The following NPR3 variants were observed in gnomAD, a reference collection of about 807,000 sequenced individuals.
NPR3 encodes atrial natriuretic peptide receptor 3.
Under a neutral mutation model 54.5 loss-of-function variants are expected in NPR3, and 34 were observed. The observed-to-expected ratio is 0.62, with a 90% CI of 0.47 to 0.83. The LOEUF (loss-of-function observed/expected upper bound fraction) is 0.83. NPR3 is among the 40% of genes least tolerant of loss of function. The pLI is 0.00. For synonymous variants in NPR3, 289 were observed against 297.1 expected, an observed-to-expected ratio of 0.97 and a Z score of 0.28; for missense variants, 674 against 720.8, an observed-to-expected ratio of 0.94 and a Z score of 0.74.
At chr5:32,761,659 T>A (rs1741166553) in intron 3 of NPR3, among the ~76,000 whole-genome samples, 1 of 141,970 alleles carries the variant, frequency 7.0e-6, no homozygotes, top group Non-Finnish European at 1.6e-5. Context: ...ATAATTTCTA[T>A]TTTTTTTTAA....
rs1313636966 is a variant in NPR3 at position 32,791,672 on chromosome 5, A to T, written c.*5327A>T. The T allele has an allele frequency of 6.0e-6, 1 of 166,740 alleles. No homozygotes were observed. Among genetic ancestry groups the T allele is most frequent in the Non-Finnish European group, 1.5e-5 (1 of 68,122 alleles). The allele number at this position is 166,740 out of a possible 1,614,324, so 10.3% of individuals were successfully genotyped here. ...TTTCTATCAAGCAAGAATGCCACGT[A>T]CTCAGAGTATAACAATGTGTTCTCA... On this transcript the variant is annotated 3_prime_UTR_variant, in exon 8 of 8. Coordinates refer to ENST00000265074, the MANE Select transcript of NPR3 (RefSeq NM_001204375.2).
At chr5:32,730,873 A>G (rs2111915827) in intron 2 of NPR3, among the ~76,000 whole-genome samples, 1 of 152,372 alleles carries the variant, frequency 6.6e-6, no homozygotes, top group African/African-American at 2.4e-5. Flanking sequence ...AAGACTCAAC[A>G]TGGTAAAGAA....
At chr5:32,718,013 C>A (rs1738647808) in intron 1 of NPR3, among the ~76,000 whole-genome samples, 1 of 152,106 alleles carries the variant, frequency 6.6e-6, no homozygotes, top group Admixed American at 6.5e-5. Context: ...GTCTTTAATC[C>A]ATCTTGAATT....
At chr5:32,719,737 G>T (rs1738746474) in intron 1 of NPR3, among the ~76,000 whole-genome samples, 1 of 148,512 alleles carries the variant, frequency 6.7e-6, no homozygotes, top group African/African-American at 2.5e-5. Flanking sequence ...TAGACCTCTT[G>T]GATTGATCTT....
intron 3 of NPR3, among the ~76,000 whole-genome samples, chr5:32,757,925 C>T (rs540067705): frequency 6.6e-6 from 1 of 152,300 alleles, no homozygotes; most frequent in East Asian, 1.9e-4. Flanking sequence ...GTATGTTGAA[C>T]CAGTCTTGCA....
intron 1 of NPR3, 88 bp downstream of exon 1, chr5:32,712,633 A>C: frequency 2.4e-6 from 3 of 1,247,250 alleles, no homozygotes; most frequent in East Asian, 2.4e-5. Flanking sequence ...TGCAGACCCC[A>C]CTCCCCACTG....
chr5:32,691,754 G>A (rs980974705), intron 1 of NPR3, among the ~76,000 whole-genome samples: 8 of 152,206 alleles, frequency 5.3e-5, no homozygotes, highest in East Asian at 1.9e-4. Context: ...AGGGGACACC[G>A]ATGAAGAGCT....
At chr5:32,762,554 G>A (rs1409974059) in intron 3 of NPR3, among the ~76,000 whole-genome samples, 2 of 151,714 alleles carry the variant, frequency 1.3e-5, no homozygotes, top group African/African-American at 4.8e-5. Flanking sequence ...GTGATGATGA[G>A]CTTTTATTCA....
intron 1 of NPR3, among the ~76,000 whole-genome samples, chr5:32,717,784 A>T (rs1159256133): frequency 6.6e-6 from 1 of 151,820 alleles, no homozygotes; most frequent in East Asian, 1.9e-4. Flanking sequence ...GATTGCAAAA[A>T]TTTTCTCCCA....
chr5:32,702,316 A>T (rs1469246499), intron 1 of NPR3, among the ~76,000 whole-genome samples: 1 of 152,034 alleles, frequency 6.6e-6, no homozygotes, highest in Non-Finnish European at 1.5e-5. Flanking sequence ...TGTGCAGGTT[A>T]GTTACATATG....
At chr5:32,694,174 A>G (rs910211124) in intron 1 of NPR3, among the ~76,000 whole-genome samples, 8 of 152,234 alleles carry the variant, frequency 5.3e-5, no homozygotes, top group African/African-American at 1.9e-4. Context: ...GCTGGTCTCA[A>G]GCTTACTTGG....
chr5:32,703,699 A>C (rs1340238793), intron 1 of NPR3, among the ~76,000 whole-genome samples: 1 of 152,178 alleles, frequency 6.6e-6, no homozygotes, highest in East Asian at 1.9e-4. Context: ...TTGGTGGCCT[A>C]TCCTACTGTG....
Position 32,712,208 on chromosome 5 carries a change from C to T in NPR3, c.432C>T (p.Ala144=). The T allele has an allele frequency of 6.2e-7, 1 of 1,612,822 alleles. No homozygotes were observed. Among genetic ancestry groups the T allele is most frequent in the Non-Finnish European group, 8.5e-7 (1 of 1,179,672 alleles). ...PVCEYAAAPV[A]RLASHWDLPM... ...GCGAGTATGCAGCAGCGCCAGTGGC[C>T]CGGCTTGCATCGCACTGGGACCTGC... Residue 144 remains alanine (A), a synonymous_variant, in exon 1 of 8, where the codon GCC becomes GCT. Coordinates refer to ENST00000265074, the MANE Select transcript of NPR3 (RefSeq NM_001204375.2).
At chr5:32,770,285 C>G (rs1256025626) in intron 3 of NPR3, among the ~76,000 whole-genome samples, 1 of 151,930 alleles carries the variant, frequency 6.6e-6, no homozygotes, top group Non-Finnish European at 1.5e-5. Flanking sequence ...CAAAAATTAA[C>G]CGGGCATGGT....
chr5:32,719,897 C>T (rs1019014564), intron 1 of NPR3, among the ~76,000 whole-genome samples: 1 of 151,748 alleles, frequency 6.6e-6, no homozygotes, highest in Non-Finnish European at 1.5e-5. Flanking sequence ...CAGGACATGG[C>T]ATACTCTGCT....
intron 3 of NPR3, among the ~76,000 whole-genome samples, chr5:32,743,617 C>G (rs1740145319): frequency 6.6e-6 from 1 of 152,222 alleles, no homozygotes; most frequent in African/African-American, 2.4e-5. Flanking sequence ...CTGAATCGTT[C>G]TATTTCCCAG....
intron 6 of NPR3, 41 bp downstream of exon 6, chr5:32,783,069 C>T (rs1215294376): frequency 6.4e-6 from 10 of 1,561,476 alleles, no homozygotes; most frequent in Non-Finnish European, 8.7e-6. Flanking sequence ...GTCATCACCT[C>T]TAACCTCAGT....
At chr5:32,772,459 A>G (rs947865337) in intron 3 of NPR3, among the ~76,000 whole-genome samples, 4 of 152,210 alleles carry the variant, frequency 2.6e-5, no homozygotes, top group Non-Finnish European at 5.9e-5. Context: ...CACCTCTTGC[A>G]GAGGGTCAGC....
intron 3 of NPR3, among the ~76,000 whole-genome samples, chr5:32,766,437 C>G (rs755923945): frequency 1.3e-5 from 2 of 152,170 alleles, no homozygotes; most frequent in Non-Finnish European, 2.9e-5. Context: ...ATATGACAGT[C>G]AGCATGTTTC....
Sources: allele counts gnomAD v4.1 joint callset (sites outside exome capture counted in the v4.1 genomes callset), GRCh38; gene constraint gnomAD v4.1.1; transcripts MANE v1.5; gene names NCBI Gene and HGNC (gene_info 2026-07-23, HGNC 2026-07-21).